The following LRRK2 variants were observed in gnomAD, a reference collection of about 807,000 sequenced individuals.
LRRK2 encodes leucine-rich repeat serine/threonine-protein kinase 2.
In LRRK2, 203 loss-of-function variants were observed where a neutral mutation model predicts 302.6. That is an observed-to-expected ratio of 0.67 (90% CI 0.60 to 0.75). LRRK2 has a LOEUF of 0.75. Among genes scored for constraint, LRRK2 ranks in the 30% least tolerant of loss-of-function variants. The probability of loss-of-function intolerance (pLI) is 0.00; values close to 1 mark genes in which losing one functional copy is unlikely to be tolerated. For missense variants in LRRK2, 2,830 were observed against 2,951.0 expected (o/e 0.96, Z 0.95); for synonymous variants, 1,066 against 1,031.9 (o/e 1.03, Z -0.63).
chr12:40,301,279 C>T (rs919389946), intron 25 of LRRK2, among the ~76,000 whole-genome samples: 8 of 152,010 alleles, frequency 5.3e-5, no homozygotes, highest in Non-Finnish European at 1.2e-4. Context: ...CAAAAATTAG[C>T]TGGGTGTGGT....
chr12:40,232,009 G>A (rs1941223957), intron 2 of LRRK2, among the ~76,000 whole-genome samples: 1 of 151,620 alleles, frequency 6.6e-6, no homozygotes. Context: ...TCACCATCTT[G>A]GCCACATTGG....
At chr12:40,243,781 A>G in intron 7 of LRRK2, 100 bp downstream of exon 7, 2 of 1,121,702 alleles carry the variant, frequency 1.8e-6, no homozygotes, top group African/African-American at 1.6e-5. Flanking sequence ...GCATATTGAC[A>G]TACTTTGAAT....
Position 40,322,236 on chromosome 12 carries a change from A to T in LRRK2, c.5317+55A>T, listed in dbSNP as rs200625914. 7 of 711,206 alleles carry T rather than the reference A, an allele frequency of 9.8e-6. No homozygotes were observed. In the South Asian group the frequency reaches 1.5e-4, roughly 15 times the overall value. 44.1% of individuals were successfully genotyped at this position (711,206 alleles called of 1,614,324 possible). On this transcript the variant is annotated intron_variant, in intron 36 of 50. Coordinates refer to ENST00000298910, the MANE Select transcript of LRRK2 (RefSeq NM_198578.4). ...TGCAACACTAAAGAAATTTAAACTT[A>T]AAAAAAAAAAAAACTTTACCTTAAA...
intron 33 of LRRK2, 74 bp downstream of exon 33, chr12:40,315,374 C>T: frequency 7.9e-7 from 1 of 1,273,108 alleles, no homozygotes. Flanking sequence ...GAGCATTGAG[C>T]ATTTTAGAAT....
chr12:40,332,867 A>G (rs1592301176), intron 39 of LRRK2, among the ~76,000 whole-genome samples: 1 of 151,854 alleles, frequency 6.6e-6, no homozygotes, highest in African/African-American at 2.4e-5. Flanking sequence ...AAAAATGTCT[A>G]CAGAGCCAAT....
intron 13 of LRRK2, among the ~76,000 whole-genome samples, chr12:40,260,594 A>C (rs925670045): frequency 1.3e-5 from 2 of 152,104 alleles, no homozygotes; most frequent in Non-Finnish European, 2.9e-5. Flanking sequence ...GCCTTTTAAA[A>C]ATGGAAGCCA....
intron 14 of LRRK2, among the ~76,000 whole-genome samples, chr12:40,267,344 T>C (rs1317935328): frequency 6.6e-6 from 1 of 152,204 alleles, no homozygotes; most frequent in East Asian, 1.9e-4. Flanking sequence ...AAACCAGTTG[T>C]TCTACATGAG....
chr12:40,282,793 C>T (rs1209105185), intron 18 of LRRK2, among the ~76,000 whole-genome samples: 1 of 152,102 alleles, frequency 6.6e-6, no homozygotes, highest in Non-Finnish European at 1.5e-5. Flanking sequence ...CACTTTAATT[C>T]TAGAAAATTC....
chr12:40,284,069 A>T lies in LRRK2; in HGVS notation c.2436A>T (p.Lys812Asn), dbSNP rs772759167. The change falls in exon 19 of 51, where the codon AAA (lysine) becomes AAT (asparagine). Residue 812 changes from lysine to asparagine, a missense_variant. Transcript: ENST00000298910. ...SICLGGFCIG[K>N]VEPSWLGPLF... ...GCCTTGGAGGATTTTGTATAGGAAA[A>T]GTTGAACCTTCTTGGCTTGGTCCTT... 6.2e-7 allele frequency: 1 copy of T among 1,613,560 alleles called. No homozygotes were observed. The highest frequency in any genetic ancestry group is 8.5e-7 in the Non-Finnish European group (1 of 1,179,600).
intron 41 of LRRK2, among the ~76,000 whole-genome samples, chr12:40,341,192 T>TG (rs1946031130): frequency 6.6e-6 from 1 of 152,164 alleles, no homozygotes; most frequent in African/African-American, 2.4e-5. Context: ...GTTTGGAGTG[T>TG]GGGGAACACT....
chr12:40,298,354 A>G lies in LRRK2; in HGVS notation c.3208A>G (p.Ile1070Val). 6.2e-7 allele frequency: 1 copy of G among 1,613,982 alleles called. No individual in the cohort carries two copies. Among genetic ancestry groups the G allele is most frequent in the African/African-American group, 1.3e-5 (1 of 75,010 alleles). ...IANLDVSRND[I>V]GPSVVLDPTV... ...TAATCTTGATGTCTCTCGAAATGAC[A>G]TTGGACCCTCAGTGGTTTTAGATCC... The change falls in exon 24 of 51, where the codon ATT (isoleucine) becomes GTT (valine). Residue 1070 changes from isoleucine (I) to valine (V), a missense_variant. Physicochemically the swap from Ile to Val is conservative, Grantham distance 29. Around this residue, in one of 3 missense-constraint regions of LRRK2, gnomAD observed 2,121 missense variants for 2,148.0 expected, o/e 0.99. Coordinates refer to ENST00000298910, the MANE Select transcript of LRRK2 (RefSeq NM_198578.4).
chr12:40,305,874 G>A lies in LRRK2; in HGVS notation c.3867G>A (p.Gly1289=), dbSNP rs200798306. 41 of 1,613,406 alleles carry A rather than the reference G, an allele frequency of 2.5e-5. No individual in the cohort carries two copies. The highest frequency in any genetic ancestry group is 1.6e-4 in the Middle Eastern group (1 of 6,076). The part of the protein sequence containing the change: ...LELRSFPNEM[G]KLSKIWDLPL... ...TAAGATCCTTTCCCAATGAAATGGG[G>A]AAATTAAGCAAAATATGGGATCTTC... The change falls in exon 28 of 51, where the codon GGG becomes GGA. Residue 1289 remains glycine (G), a synonymous_variant. Transcript: ENST00000298910.
intron 26 of LRRK2, 32 bp downstream of exon 26, chr12:40,302,914 A>T: frequency 7.3e-7 from 1 of 1,365,930 alleles, no homozygotes; most frequent in Non-Finnish European, 1.0e-6. Flanking sequence ...TTTTAAAAGC[A>T]CATTAGCTGG....
rs11175966 is a variant in LRRK2, at chr12:40,309,350, C to A, written c.4317+117C>A. The stretch of plus-strand genomic sequence containing the variant: ...ACAATTGCTTCAGTCTCTTTAAATA[C>A]TTTCTTAAAAGAAGCACTAAAATTT... On this transcript the variant is annotated intron_variant, in intron 30 of 50. Coordinates refer to ENST00000298910, the MANE Select transcript of LRRK2 (RefSeq NM_198578.4). 258,859 of 1,311,974 alleles carry A rather than the reference C, an allele frequency of 0.2. 27,223 individuals are homozygous for A. The highest frequency in any genetic ancestry group is 0.26 in the Middle Eastern group (969 of 3,770). 81.3% of individuals were successfully genotyped at this position (1,311,974 alleles called of 1,614,324 possible). A position where few individuals can be genotyped will look rare whatever the true frequency, so the allele number is the denominator to read the frequency against.
chr12:40,311,435 A>G (rs1366601125), intron 31 of LRRK2, among the ~76,000 whole-genome samples: 1 of 152,152 alleles, frequency 6.6e-6, no homozygotes, highest in Admixed American at 6.6e-5. Flanking sequence ...AATACCCTTG[A>G]TAGTTCCATA....
chr12:40,278,079 C>CA lies in LRRK2; in HGVS notation c.2071-11dup. 1 of 1,613,918 alleles carries CA rather than the reference C, an allele frequency of 6.2e-7. No homozygotes were observed. ...TTTATCTGACTCTAATTCTCATTTC[C>CA]ACTCTTTTTAGTTTCTAAACCTCTG... is the stretch of plus-strand genomic sequence containing the variant. On this transcript the variant is annotated splice_polypyrimidine_tract_variant and intron_variant, in intron 17 of 50. Coordinates refer to ENST00000298910, the MANE Select transcript of LRRK2 (RefSeq NM_198578.4).
chr12:40,265,731 A>T (rs947688333), intron 14 of LRRK2, among the ~76,000 whole-genome samples: 66 of 152,152 alleles, frequency 4.3e-4, no homozygotes, highest in African/African-American at 1.5e-3. Flanking sequence ...CATGCTCCCC[A>T]CGCTACCTGA....
intron 12 of LRRK2, among the ~76,000 whole-genome samples, chr12:40,258,766 T>TA (rs1286231382): frequency 6.6e-6 from 1 of 152,190 alleles, no homozygotes; most frequent in African/African-American, 2.4e-5. Flanking sequence ...GGGATGTGTT[T>TA]AAACTGGGAC....
chr12:40,324,612 T>C (rs1173340211), intron 38 of LRRK2, among the ~76,000 whole-genome samples: 1 of 152,238 alleles, frequency 6.6e-6, no homozygotes, highest in Non-Finnish European at 1.5e-5. Context: ...CTAAGATCTG[T>C]CAGTCAGGAC....
Sources: allele counts gnomAD v4.1 joint callset (sites outside exome capture counted in the v4.1 genomes callset), GRCh38; gene constraint gnomAD v4.1.1; regional missense constraint gnomAD v4.1.1; transcripts MANE v1.5; gene names NCBI Gene and HGNC (gene_info 2026-07-23, HGNC 2026-07-21).